FOCAD: variants seen among roughly 807,000 people sequenced by gnomAD.
FOCAD encodes focadhesin.
Under a neutral mutation model 225.6 loss-of-function variants are expected in FOCAD, and 198 were observed. The observed-to-expected ratio is 0.88, with a 90% CI of 0.78 to 0.99. The LOEUF (loss-of-function observed/expected upper bound fraction) is 0.99, where lower values mean the gene tolerates loss of function less well. FOCAD is among the 50% of genes least tolerant of loss of function. The pLI is 0.00. For missense variants in FOCAD, 2,713 were observed against 2,123.6 expected (o/e 1.28, Z -5.46); for synonymous variants, 897 against 755.0 (o/e 1.19, Z -3.08).
rs1274368030 is a variant in FOCAD at position 20,978,418 on chromosome 9, C to G, written c.4341C>G (p.Gly1447=). Residue 1447 remains glycine (G), a synonymous_variant, in exon 37 of 44, where the codon GGC becomes GGG. Transcript: ENST00000338382. The part of the protein sequence containing the change: ...QSSQNAAALL[G]LWVTPPLIHS... ...CCCAGAATGCAGCTGCACTATTGGG[C>G]TTGTGGGTGACACCACCACTGATCC... is the stretch of plus-strand genomic sequence containing the variant. The G allele has an allele frequency of 2.9e-5, 47 of 1,611,950 alleles. No homozygotes were observed. Among genetic ancestry groups the G allele is most frequent in the Non-Finnish European group, 3.6e-5 (43 of 1,178,856 alleles).
At chr9:20,879,805 C>A (rs994247091) in intron 19 of FOCAD, among the ~76,000 whole-genome samples, 6 of 152,158 alleles carry the variant, frequency 3.9e-5, no homozygotes, top group African/African-American at 1.2e-4. Context: ...AAATTAATCC[C>A]TGGGCTGGTG....
At chr9:20,990,416 T>C in intron 42 of FOCAD, 42 bp downstream of exon 42, 1 of 1,604,302 alleles carries the variant, frequency 6.2e-7, no homozygotes, top group South Asian at 1.1e-5. Context: ...AGGCAGCCAT[T>C]GTCTCTTCAG....
At chr9:20,987,266 C>CA (rs1242165084) in intron 40 of FOCAD, among the ~76,000 whole-genome samples, 1 of 152,130 alleles carries the variant, frequency 6.6e-6, no homozygotes, top group East Asian at 1.9e-4. Context: ...ACCAGCCCTT[C>CA]AGGAGGCAAG....
intron 11 of FOCAD, among the ~76,000 whole-genome samples, chr9:20,797,514 C>A (rs1042102902): frequency 1.1e-4 from 17 of 152,040 alleles, no homozygotes; most frequent in African/African-American, 4.1e-4. Flanking sequence ...TTGTAGTTCT[C>A]CTTGAAGAGG....
chr9:20,990,182 T>G lies in FOCAD; in HGVS notation c.5064T>G (p.Thr1688=). 6.2e-7 allele frequency: 1 copy of G among 1,614,188 alleles called. No individual in the cohort carries two copies. Among genetic ancestry groups the G allele is most frequent in the Non-Finnish European group, 8.5e-7 (1 of 1,179,996 alleles). Residue 1688 remains threonine (T), a synonymous_variant, in exon 42 of 44, where the codon ACT becomes ACG. Transcript: ENST00000338382. ...ATAVVAWADH[T]APLLLGLSAS... is the part of the protein sequence containing the mutation. ...CAGTGGTTGCATGGGCTGACCACAC[T>G]GCCCCTCTCCTCCTCGGCCTCAGTG...
chr9:20,688,148 G>A (rs572957232), intron 1 of FOCAD, among the ~76,000 whole-genome samples: 3 of 152,168 alleles, frequency 2.0e-5, no homozygotes, highest in Non-Finnish European at 4.4e-5. Flanking sequence ...TAATCTGGAG[G>A]CTATGTTGAT....
At chr9:20,770,393 T>G (rs1818092330) in intron 8 of FOCAD, among the ~76,000 whole-genome samples, 155 bp downstream of exon 8, 1 of 152,172 alleles carries the variant, frequency 6.6e-6, no homozygotes, top group East Asian at 1.9e-4. Flanking sequence ...TGGGGAGGCC[T>G]CAGGAAACTT....
intron 11 of FOCAD, among the ~76,000 whole-genome samples, chr9:20,800,391 G>T (rs1587219666): frequency 6.6e-6 from 1 of 151,944 alleles, no homozygotes; most frequent in Admixed American, 6.6e-5. Flanking sequence ...TTGAATGTTG[G>T]CCTGCCTTGC....
upstream of FOCAD, among the ~76,000 whole-genome samples, chr9:20,681,442 A>G (rs999241750): frequency 2.6e-5 from 4 of 152,192 alleles, no homozygotes; most frequent in African/African-American, 7.2e-5. Flanking sequence ...AACAAAGCAT[A>G]ATCTCAGGAA....
At position 20,755,726 on chromosome 9, in the gene FOCAD, G is replaced by A. The variant is rs558372680; in HGVS notation, c.393-2364G>A. On this transcript the variant is annotated intron_variant, in intron 5 of 43. Coordinates refer to ENST00000338382, the MANE Select transcript of FOCAD (RefSeq NM_001375567.1). The stretch of plus-strand genomic sequence containing the variant: ...ATCTGATACTCTTTATAGCGATATG[G>A]TTCTTATCAGAAGAACCCAAAGCTG... Among the ~76,000 whole-genome samples the A allele has an allele frequency of 1.1e-4, 17 of 152,258 alleles. No individual in the cohort carries two copies. The East Asian group carries it at 2.5e-3, about 22-fold the overall frequency.
chr9:20,793,798 G>A (rs113020073), intron 11 of FOCAD, among the ~76,000 whole-genome samples: 3,483 of 152,272 alleles, frequency 0.023, 128 homozygotes, highest in African/African-American at 0.08. Flanking sequence ...ATCAGAGCAG[G>A]CTTTGTGGTA....
At chr9:20,766,606 A>T (rs942720034) in intron 7 of FOCAD, among the ~76,000 whole-genome samples, 2 of 151,560 alleles carry the variant, frequency 1.3e-5, no homozygotes, top group African/African-American at 4.9e-5. Flanking sequence ...ATCCTATCTT[A>T]TTTTTCTCCC....
At chr9:20,893,304 C>CA (rs771868253) in intron 21 of FOCAD, among the ~76,000 whole-genome samples, 57 of 150,782 alleles carry the variant, frequency 3.8e-4, no homozygotes, top group Non-Finnish European at 6.3e-4. Flanking sequence ...CACTGGGAAA[C>CA]AAAAAAAACT....
chr9:20,924,136 A>C (rs945687994), intron 25 of FOCAD, among the ~76,000 whole-genome samples: 3 of 151,968 alleles, frequency 2.0e-5, no homozygotes, highest in African/African-American at 7.2e-5. Flanking sequence ...TGTACTTTGC[A>C]TTTTAATTGT....
intron 11 of FOCAD, among the ~76,000 whole-genome samples, chr9:20,808,705 A>G (rs1822727286): frequency 6.6e-6 from 1 of 152,164 alleles, no homozygotes; most frequent in Non-Finnish European, 1.5e-5. Flanking sequence ...CTCTCCTGGC[A>G]TCGACTGTCA....
chr9:20,802,364 A>G (rs1434585223), intron 11 of FOCAD, among the ~76,000 whole-genome samples: 7 of 152,162 alleles, frequency 4.6e-5, no homozygotes, highest in African/African-American at 1.7e-4. Flanking sequence ...TAAGAGAAGT[A>G]AGGACAAAGT....
chr9:20,966,544 C>A (rs996372893), intron 35 of FOCAD, among the ~76,000 whole-genome samples: 1 of 152,028 alleles, frequency 6.6e-6, no homozygotes, highest in South Asian at 2.1e-4. Context: ...ATCTGCTTTT[C>A]TTTTGTTGCT....
chr9:20,771,959 C>T (rs1216731465), intron 8 of FOCAD, among the ~76,000 whole-genome samples: 1 of 152,130 alleles, frequency 6.6e-6, no homozygotes, highest in Non-Finnish European at 1.5e-5. Flanking sequence ...CCCTGATGAC[C>T]TCACTTAACC....
chr9:20,914,174 T>C (rs549680304), intron 23 of FOCAD, among the ~76,000 whole-genome samples: 1 of 152,178 alleles, frequency 6.6e-6, no homozygotes, highest in South Asian at 2.1e-4. Flanking sequence ...TTCCTCATCC[T>C]CACTTAATTG....
Sources: allele counts gnomAD v4.1 joint callset (sites outside exome capture counted in the v4.1 genomes callset), GRCh38; gene constraint gnomAD v4.1.1; transcripts MANE v1.5; gene names NCBI Gene and HGNC (gene_info 2026-07-23, HGNC 2026-07-21).